The following AUTS2 variants were observed in gnomAD, a reference collection of about 807,000 sequenced individuals.
The protein encoded by AUTS2 is activator of transcription and developmental regulator AUTS2.
Under a neutral mutation model 112.4 loss-of-function variants are expected in AUTS2, and 17 were observed. That is an observed-to-expected ratio of 0.15 (90% CI 0.10 to 0.23). The LOEUF (loss-of-function observed/expected upper bound fraction) is 0.23, where lower values mean the gene tolerates loss of function less well. Ranked by LOEUF, AUTS2 falls within the 10% of genes least tolerant of loss-of-function variation. The probability of loss-of-function intolerance (pLI) is 1.00; values close to 1 mark genes in which losing one functional copy is unlikely to be tolerated. For synonymous variants in AUTS2, 751 were observed against 702.7 expected (o/e 1.07, Z -1.09); for missense variants, 1,510 against 1,701.6 (o/e 0.89, Z 1.98).
chr7:70,006,714 A>G (rs538153765), intron 2 of AUTS2, among the ~76,000 whole-genome samples: 2 of 152,230 alleles, frequency 1.3e-5, no homozygotes, highest in African/African-American at 4.8e-5. Context: ...ATGCCCTGAT[A>G]CCTACTGTAG....
chr7:69,655,736 T>C (rs1473241882), intron 1 of AUTS2, among the ~76,000 whole-genome samples: 1 of 151,990 alleles, frequency 6.6e-6, no homozygotes, highest in Non-Finnish European at 1.5e-5. Context: ...ATATGAAGGC[T>C]CCCTACTGGG....
chr7:70,213,966 G>A (rs1440198430), intron 4 of AUTS2, among the ~76,000 whole-genome samples: 1 of 152,152 alleles, frequency 6.6e-6, no homozygotes, highest in Non-Finnish European at 1.5e-5. Context: ...GACACTTGGT[G>A]GTCTATAAAT....
In AUTS2 at chr7:70,766,043, C is replaced by G. The variant is rs1322534458; in HGVS notation, c.1469-71C>G. On this transcript the variant is annotated intron_variant, in intron 8 of 18. Coordinates refer to ENST00000342771, the MANE Select transcript of AUTS2 (RefSeq NM_015570.4). The surrounding 1 kb of genome is among the most constrained non-coding windows in gnomAD (Gnocchi z 4.8). The stretch of plus-strand genomic sequence containing the variant: ...ACTGTGTCACCAGCCCCGTACCCCT[C>G]CACAGGAAGGCAGTCCGATGTCCTT... The G allele has an allele frequency of 6.4e-7, 1 of 1,567,262 alleles. No homozygotes were observed. Among genetic ancestry groups the G allele is most frequent in the Non-Finnish European group, 8.7e-7 (1 of 1,153,780 alleles).
chr7:69,853,896 A>C (rs1792601261), intron 1 of AUTS2, among the ~76,000 whole-genome samples: 1 of 152,150 alleles, frequency 6.6e-6, no homozygotes, highest in African/African-American at 2.4e-5. Context: ...GAAAGTGAAA[A>C]AGGATTCAAC....
At chr7:70,306,921 T>G (rs1789518882) in intron 4 of AUTS2, among the ~76,000 whole-genome samples, 1 of 152,164 alleles carries the variant, frequency 6.6e-6, no homozygotes, top group Admixed American at 6.6e-5. Context: ...GACTAAGCCA[T>G]CTCACTATCT....
At chr7:69,653,116 G>T (rs1270484672) in intron 1 of AUTS2, among the ~76,000 whole-genome samples, 1 of 152,142 alleles carries the variant, frequency 6.6e-6, no homozygotes, top group African/African-American at 2.4e-5. Flanking sequence ...CTCTGACCTT[G>T]GGACTTCCAG....
chr7:70,362,172 C>T (rs1382274644), intron 4 of AUTS2, among the ~76,000 whole-genome samples: 1 of 152,180 alleles, frequency 6.6e-6, no homozygotes, highest in Non-Finnish European at 1.5e-5. Context: ...CTTTTAACAT[C>T]AGATTGGGTG....
At chr7:70,127,387 G>A (rs1806034775) in intron 3 of AUTS2, among the ~76,000 whole-genome samples, 1 of 152,080 alleles carries the variant, frequency 6.6e-6, no homozygotes, top group Admixed American at 6.6e-5. Flanking sequence ...ACCCTCCTCA[G>A]CCCCCTCCCA....
chr7:69,805,761 A>G (rs576308125), intron 1 of AUTS2, among the ~76,000 whole-genome samples: 3 of 152,306 alleles, frequency 2.0e-5, no homozygotes, highest in Admixed American at 2.0e-4. Context: ...CTCTATGAAG[A>G]TGTATATTGT....
Position 69,867,833 on chromosome 7 carries a change from G to T in AUTS2, c.310-31453G>T, listed in dbSNP as rs142049652. Among the ~76,000 whole-genome samples, 18 of 151,986 alleles carry T rather than the reference G, an allele frequency of 1.2e-4. No homozygotes were observed. In the East Asian group the frequency reaches 3.5e-3, roughly 29 times the overall value. ...AACCAACAGGAGTCATTTGAAATAG[G>T]CGCAGTGCCAGAATTAGCAAATAAA... On this transcript the variant is annotated intron_variant, in intron 1 of 18. Transcript: ENST00000342771.
chr7:69,853,940 C>T (rs1792602732), intron 1 of AUTS2, among the ~76,000 whole-genome samples: 2 of 152,084 alleles, frequency 1.3e-5, no homozygotes, highest in African/African-American at 4.8e-5. Context: ...GTTATTATAT[C>T]TAAGTGATAT....
intron 4 of AUTS2, among the ~76,000 whole-genome samples, chr7:70,371,180 A>G (rs1336689812): frequency 3.3e-5 from 5 of 152,300 alleles, no homozygotes; most frequent in South Asian, 2.1e-4. Flanking sequence ...GGTTCACCTG[A>G]AAAATAATTT....
At chr7:70,765,146 CT>C (rs1326610525) in intron 8 of AUTS2, 141 bp downstream of exon 8, 10 of 1,197,168 alleles carry the variant, frequency 8.4e-6, no homozygotes, top group Non-Finnish European at 1.2e-5. Context: ...CTCAAACGCT[CT>C]CTGGCCTGAG....
intron 5 of AUTS2, among the ~76,000 whole-genome samples, chr7:70,511,556 A>ATTGTCTTTT (rs1563005631): frequency 2.4e-5 from 1 of 41,766 alleles, no homozygotes; most frequent in Non-Finnish European, 5.2e-5. Flanking sequence ...ACTTTTTTTC[A>ATTGTCTTTT]TTTTCTTTTT....
intron 6 of AUTS2, among the ~76,000 whole-genome samples, chr7:70,749,578 G>A (rs760882752): frequency 2.6e-5 from 4 of 152,148 alleles, no homozygotes; most frequent in Non-Finnish European, 5.9e-5. Flanking sequence ...AAGAATTAAG[G>A]GCTGTGTGAT....
chr7:70,048,553 TG>T (rs1801606136), intron 2 of AUTS2, among the ~76,000 whole-genome samples: 1 of 152,248 alleles, frequency 6.6e-6, no homozygotes, highest in Non-Finnish European at 1.5e-5. Context: ...AACCTCAAAA[TG>T]GCACTTGGCA....
chr7:70,105,614 C>T (rs906869239), intron 2 of AUTS2, among the ~76,000 whole-genome samples: 1 of 152,102 alleles, frequency 6.6e-6, no homozygotes, highest in Non-Finnish European at 1.5e-5. Flanking sequence ...TACATGGAGC[C>T]AGTGAGATAC....
chr7:70,665,780 T>A (rs1300313986), intron 5 of AUTS2, among the ~76,000 whole-genome samples: 1 of 152,200 alleles, frequency 6.6e-6, no homozygotes, highest in Non-Finnish European at 1.5e-5. Flanking sequence ...TACAGAGGGC[T>A]GAATTTTTGT....
chr7:70,497,168 C>T (rs1169306909), intron 5 of AUTS2, among the ~76,000 whole-genome samples: 2 of 149,386 alleles, frequency 1.3e-5, no homozygotes, highest in Non-Finnish European at 3.0e-5. Flanking sequence ...ACACACACCA[C>T]GTACACAGGC....
Sources: gnomAD v4.1 joint callset for allele counts (sites outside exome capture counted in the v4.1 genomes callset) on GRCh38, gnomAD v4.1.1 for gene constraint, Gnocchi (gnomAD v3.1) non-coding constraint, MANE v1.5 for transcripts, NCBI Gene and HGNC (gene_info 2026-07-23, HGNC 2026-07-21) for gene names.